Variants in MXI1 observed in about 807,000 individuals in gnomAD.
MXI1 encodes the protein max-interacting protein 1.
In MXI1, 18 loss-of-function variants were observed where a neutral mutation model predicts 36.9. The ratio of observed to expected loss-of-function variants is 0.49; its 90% CI spans 0.34 to 0.72. MXI1 has a LOEUF of 0.72. Among genes scored for constraint, MXI1 ranks in the 30% least tolerant of loss-of-function variants. MXI1 has a pLI of 0.01. For missense variants in MXI1, 304 were observed against 379.1 expected, an observed-to-expected ratio of 0.80 and a Z score of 1.64; for synonymous variants, 160 against 146.7, an observed-to-expected ratio of 1.09 and a Z score of -0.65.
At chr10:110,251,010 TAAAAAAAAAAAAAAA>T (rs60315131) in intron 3 of MXI1, among the ~76,000 whole-genome samples, 1 of 54,962 alleles carries the variant, frequency 1.8e-5, no homozygotes, top group East Asian at 4.7e-4. Context: ...AAGTATTTGT[TAAAAAAAAAAAAAAA>T]AAAAAAAAAA....
chr10:110,273,136 C>T (rs1856912622), intron 3 of MXI1, among the ~76,000 whole-genome samples: 1 of 151,256 alleles, frequency 6.6e-6, no homozygotes, highest in South Asian at 2.1e-4. Context: ...CAACCTCCGC[C>T]TCCCAGTTTC....
chr10:110,263,594 C>T (rs1433913050), intron 3 of MXI1, among the ~76,000 whole-genome samples: 1 of 152,148 alleles, frequency 6.6e-6, no homozygotes, highest in African/African-American at 2.4e-5. Flanking sequence ...TTATGAAAAC[C>T]TTTCCTTAGA....
In MXI1 at chr10:110,226,069, G is replaced by A; in HGVS notation, c.275-2120G>A. On this transcript the variant is annotated intron_variant, in intron 1 of 5. Transcript: ENST00000332674. ...CGGCTGGGGCGGCAGGGGCGGCGGA[G>A]AGCGCGCCGAGCCGCGGCCGAGCTG... 3 of 1,029,436 alleles carry A rather than the reference G, an allele frequency of 2.9e-6. No individual in the cohort carries two copies. The South Asian group carries it at 1.4e-4, about 47-fold the overall frequency. The allele number at this position is 1,029,436 out of a possible 1,614,324, so 63.8% of individuals were successfully genotyped here. A position where few individuals can be genotyped will look rare whatever the true frequency, so the allele number is the denominator to read the frequency against.
At position 110,240,631 on chromosome 10, in the gene MXI1, A is replaced by G. The variant is rs563531752; in HGVS notation, c.408-4197A>G. On this transcript the variant is annotated intron_variant, in intron 2 of 5. Transcript: ENST00000332674. The stretch of plus-strand genomic sequence containing the variant: ...TTCCACTAATCCCAGTATATTTTCA[A>G]TCTCAACCCCTTTGGTATATCCTTG... Among the ~76,000 whole-genome samples the G allele has an allele frequency of 3.9e-5, 6 of 152,186 alleles. No individual in the cohort carries two copies. The East Asian group carries it at 9.6e-4, about 24-fold the overall frequency.
chr10:110,227,318 G>A, intron 1 of MXI1: 1 of 982,122 alleles, frequency 1.0e-6, no homozygotes, highest in Non-Finnish European at 1.2e-6. Flanking sequence ...GTGCGGGGAG[G>A]GGCGCGCGTG....
In MXI1 at chr10:110,279,247, C is replaced by T. The variant is rs1275444672; in HGVS notation, c.505C>T (p.Arg169Trp). The T allele has an allele frequency of 2.5e-6, 4 of 1,614,140 alleles. No homozygotes were observed. Among genetic ancestry groups the T allele is most frequent in the African/African-American group, 1.3e-5 (1 of 75,036 alleles). The part of the protein sequence containing the change: ...VLIPLGPDCT[R>W]HTTLGLLNKA... ...GATTCCACTAGGACCAGACTGCACC[C>T]GGCACACAACACTTGGTTTGCTCAA... Residue 169 changes from arginine (R) to tryptophan (W), a missense_variant, in exon 4 of 6, where the codon CGG becomes TGG. Physicochemically the swap from Arg to Trp is moderately radical, Grantham distance 101. This residue lies in a region of MXI1 where 125 missense variants were observed against 194.3 expected (regional missense o/e 0.64). Coordinates refer to ENST00000332674, the MANE Select transcript of MXI1 (RefSeq NM_130439.3).
At chr10:110,275,169 C>G (rs1334949192) in intron 3 of MXI1, among the ~76,000 whole-genome samples, 1 of 152,102 alleles carries the variant, frequency 6.6e-6, no homozygotes, top group East Asian at 1.9e-4. Flanking sequence ...GCTACCGCAC[C>G]CAGCCTGTGA....
At position 110,284,855 on chromosome 10, in the gene MXI1, G is replaced by A. The variant is rs770553947; in HGVS notation, c.756G>A (p.Glu252=). Residue 252 remains glutamate, a synonymous_variant, in exon 6 of 6, where the codon GAG becomes GAA. Coordinates refer to ENST00000332674, the MANE Select transcript of MXI1 (RefSeq NM_130439.3). ...TTGAAGTGGATGTTGAAAGCACAGA[G>A]TTCTCCCATGGAGAAGTGGACAATA... The part of the protein sequence containing the change: ...EEIEVDVEST[E]FSHGEVDNIS... The A allele has an allele frequency of 5.0e-5, 81 of 1,610,478 alleles. 1 individual carries two copies. The Middle Eastern group carries it at 9.9e-4, about 20-fold the overall frequency.
chr10:110,273,310 G>C (rs892175714), intron 3 of MXI1, among the ~76,000 whole-genome samples: 1 of 152,032 alleles, frequency 6.6e-6, no homozygotes, highest in Non-Finnish European at 1.5e-5. Flanking sequence ...GCCTCCCAAA[G>C]TGCTGAGATT....
intron 3 of MXI1, among the ~76,000 whole-genome samples, chr10:110,273,259 C>T (rs895872455): frequency 3.3e-5 from 5 of 151,622 alleles, no homozygotes; most frequent in Non-Finnish European, 7.4e-5. Context: ...GTGTTAGCCA[C>T]AATGGTCTCG....
At chr10:110,242,088 T>G (rs1487628592) in intron 2 of MXI1, among the ~76,000 whole-genome samples, 1 of 151,968 alleles carries the variant, frequency 6.6e-6, no homozygotes, top group Non-Finnish European at 1.5e-5. Flanking sequence ...TGTTTGCTTA[T>G]CTTATCCCTT....
At chr10:110,282,444 C>T (rs1264570953) in intron 5 of MXI1, among the ~76,000 whole-genome samples, 1 of 152,126 alleles carries the variant, frequency 6.6e-6, no homozygotes, top group East Asian at 1.9e-4. Flanking sequence ...GTAGCAAGAA[C>T]CTGAAGTACA....
chr10:110,254,593 C>A (rs1856217817), intron 3 of MXI1, among the ~76,000 whole-genome samples: 1 of 152,068 alleles, frequency 6.6e-6, no homozygotes, highest in African/African-American at 2.4e-5. Flanking sequence ...TGCCAAATAG[C>A]CAAATTGTGA....
chr10:110,236,319 C>A (rs1166233634), intron 2 of MXI1, among the ~76,000 whole-genome samples: 4 of 151,504 alleles, frequency 2.6e-5, no homozygotes, highest in Non-Finnish European at 4.4e-5. Flanking sequence ...AAATATTCAT[C>A]CTTATTCTAA....
intron 1 of MXI1, chr10:110,210,189 G>C (rs1854476893): frequency 2.1e-6 from 2 of 945,700 alleles, no homozygotes; most frequent in Non-Finnish European, 1.3e-6. Context: ...CGGCGTAACC[G>C]GGCTCCAGAG....
intron 5 of MXI1, 117 bp from the exon 6 acceptor site, chr10:110,284,707 C>T (rs899017434): frequency 3.0e-6 from 3 of 991,680 alleles, no homozygotes; most frequent in Non-Finnish European, 4.3e-6. Context: ...CCAGACATCA[C>T]TGATAATAAG....
At chr10:110,278,370 T>A (rs1252370154) in intron 3 of MXI1, among the ~76,000 whole-genome samples, 1 of 152,134 alleles carries the variant, frequency 6.6e-6, no homozygotes, top group African/African-American at 2.4e-5. Flanking sequence ...TCACCTGTTG[T>A]CCTTGTGGAT....
At chr10:110,217,350 A>G (rs558784404) in intron 1 of MXI1, among the ~76,000 whole-genome samples, 3 of 152,328 alleles carry the variant, frequency 2.0e-5, no homozygotes, top group East Asian at 1.9e-4. Context: ...CTGTGTCTTT[A>G]TTGCCATTAG....
intron 3 of MXI1, among the ~76,000 whole-genome samples, chr10:110,255,721 T>C (rs930244697): frequency 9.2e-5 from 14 of 152,188 alleles, no homozygotes; most frequent in African/African-American, 3.4e-4. Flanking sequence ...GAAGACTTAA[T>C]ATTGTTAAGA....
Sources: gnomAD v4.1 joint callset for allele counts (sites outside exome capture counted in the v4.1 genomes callset) on GRCh38, gnomAD v4.1.1 for gene constraint, gnomAD v4.1.1 regional missense constraint, MANE v1.5 for transcripts, NCBI Gene and HGNC (gene_info 2026-07-23, HGNC 2026-07-21) for gene names.